PGPEP1L: variants seen among roughly 807,000 people sequenced by gnomAD.
The protein encoded by PGPEP1L is pyroglutamyl-peptidase 1-like protein.
In PGPEP1L, 7 loss-of-function variants were observed where a neutral mutation model predicts 6.0. The ratio of observed to expected loss-of-function variants is 1.17; its 90% confidence interval spans 0.66 to 2.19. PGPEP1L has a LOEUF of 2.19. PGPEP1L is among the 30% of genes most tolerant of loss of function. The pLI is 0.00. For missense variants in PGPEP1L, 209 were observed against 192.5 expected (o/e 1.09, Z -0.51); for synonymous variants, 103 against 83.9 (o/e 1.23, Z -1.24).
Position 98,968,890 on chromosome 15 carries a change from T to C in PGPEP1L, c.210-193A>G, listed in dbSNP as rs562585092. Among the ~76,000 whole-genome samples, 12 of 152,346 alleles carry C rather than the reference T, an allele frequency of 7.9e-5. 1 individual carries two copies. The South Asian group carries it at 1.7e-3, about 21-fold the overall frequency. ...TGGGGAGAGCTGGCTCTTGGCCTCA[T>C]GGCCTCATGACCGGCAAGTGGCCAA... is the stretch of plus-strand genomic sequence containing the variant. On this transcript the variant is annotated intron_variant, in intron 4 of 4. Transcript: ENST00000535714.
intron 2 of PGPEP1L, among the ~76,000 whole-genome samples, chr15:99,002,898 G>A (rs1295988671): frequency 6.6e-6 from 1 of 152,186 alleles, no homozygotes. Context: ...AAAGGGCTGT[G>A]ACTAAATGTC....
chr15:98,987,895 C>T lies in PGPEP1L; in HGVS notation c.-141-16737G>A, dbSNP rs782672201. Among the ~76,000 whole-genome samples, 12 of 152,084 alleles carry T rather than the reference C, an allele frequency of 7.9e-5. No homozygotes were observed. The South Asian group carries it at 2.3e-3, about 29-fold the overall frequency. Reference sequence around the variant, plus strand: ...GAGGCACAAGGGGTCAAGGGATTCCCCTCTCCCAGCCAAGGGAAGCTGTGA... The same window carrying T: ...GAGGCACAAGGGGTCAAGGGATTCCTCTCTCCCAGCCAAGGGAAGCTGTGA... On this transcript the variant is annotated intron_variant, in intron 2 of 4. Transcript: ENST00000535714.
At chr15:98,979,545 G>GTATATAGA (rs2017624368) in intron 2 of PGPEP1L, among the ~76,000 whole-genome samples, 1 of 151,088 alleles carries the variant, frequency 6.6e-6, no homozygotes, top group Admixed American at 6.6e-5. Context: ...AGAAACTGCG[G>GTATATAGA]TATATAGATA....
At chr15:98,968,784 C>T in intron 4 of PGPEP1L, 87 bp from the exon 5 acceptor site, 1 of 1,270,874 alleles carries the variant, frequency 7.9e-7, no homozygotes, top group Non-Finnish European at 1.1e-6. Flanking sequence ...GCAACACCCA[C>T]AAAGCCTGAG....
intron 2 of PGPEP1L, among the ~76,000 whole-genome samples, chr15:98,985,069 T>C (rs573655700): frequency 3.9e-5 from 6 of 152,256 alleles, no homozygotes; most frequent in Admixed American, 3.9e-4. Context: ...GAGCAGCCTA[T>C]AGTGCAGTCT....
chr15:99,003,070 A>G (rs2017997134), intron 2 of PGPEP1L, among the ~76,000 whole-genome samples: 1 of 152,154 alleles, frequency 6.6e-6, no homozygotes, highest in African/African-American at 2.4e-5. Flanking sequence ...GGAATGAAAC[A>G]GTTTTGGACA....
intron 2 of PGPEP1L, among the ~76,000 whole-genome samples, chr15:98,973,965 AAAGAG>A (rs1368667985): frequency 6.6e-6 from 1 of 152,240 alleles, no homozygotes; most frequent in Non-Finnish European, 1.5e-5. Context: ...GACTAAGAAA[AAAGAG>A]AAGACCCAAA....
rs1241001268 is a variant in PGPEP1L, at chr15:99,007,413, A to C, written c.-424T>G. 1 of 152,450 alleles carries C rather than the reference A, an allele frequency of 6.6e-6. No homozygotes were observed. Among genetic ancestry groups the C allele is most frequent in the Non-Finnish European group, 1.5e-5 (1 of 68,232 alleles). The allele number at this position is 152,450 out of a possible 1,614,324, so 9.4% of individuals were successfully genotyped here. On this transcript the variant is annotated 5_prime_UTR_variant, in exon 1 of 5. The change abolishes the stop of an existing upstream ORF in the 5' untranslated region. Transcript: ENST00000535714. Reference sequence around the variant, plus strand: ...GCGGATTCTTGGTCTCACTGACTTCAAGAACGAAGCCGCGGACCCTGGCGG... The same window carrying C: ...GCGGATTCTTGGTCTCACTGACTTCCAGAACGAAGCCGCGGACCCTGGCGG...
Position 98,969,630 on chromosome 15 carries a change from C to T in PGPEP1L, c.4G>A (p.Asp2Asn). 6.2e-7 allele frequency: 1 copy of T among 1,612,376 alleles called. No individual in the cohort carries two copies. The highest frequency in any genetic ancestry group is 8.5e-7 in the Non-Finnish European group (1 of 1,179,870). ...AGAATGATCGCCTTGGCGGCGGTGTCCATGCCCACATGCACGACGAGCTGT... is the reference window on the plus strand; with the variant it reads ...AGAATGATCGCCTTGGCGGCGGTGTTCATGCCCACATGCACGACGAGCTGT... M[D>N]TAAKAIILEQ... The change falls in exon 4 of 5, where the codon GAC becomes AAC. Residue 2 changes from aspartate to asparagine, a missense_variant. Physicochemically the swap from Asp to Asn is conservative, Grantham distance 23. Coordinates refer to ENST00000535714, the MANE Select transcript of PGPEP1L (RefSeq NM_001167902.2).
chr15:99,000,328 G>C (rs1317877763), intron 2 of PGPEP1L, among the ~76,000 whole-genome samples: 3 of 152,188 alleles, frequency 2.0e-5, no homozygotes, highest in South Asian at 2.1e-4. Context: ...TCCCAGACAA[G>C]CTGGCCCCCT....
chr15:98,974,099 G>T (rs935430255), intron 2 of PGPEP1L, among the ~76,000 whole-genome samples: 13 of 152,192 alleles, frequency 8.5e-5, no homozygotes, highest in Non-Finnish European at 1.8e-4. Context: ...AGAAGAAATA[G>T]GCTGGGCACA....
At chr15:98,992,405 C>A (rs2017832099) in intron 2 of PGPEP1L, among the ~76,000 whole-genome samples, 1 of 152,116 alleles carries the variant, frequency 6.6e-6, no homozygotes, top group Admixed American at 6.5e-5. Flanking sequence ...ATGTGAAGGA[C>A]CTCTTCAAGG....
chr15:98,986,578 T>C (rs541464201), intron 2 of PGPEP1L, among the ~76,000 whole-genome samples: 2 of 152,322 alleles, frequency 1.3e-5, no homozygotes, highest in African/African-American at 4.8e-5. Flanking sequence ...TTGAGTTCTG[T>C]AAGTAGTTCT....
At chr15:99,000,694 T>C (rs934579684) in intron 2 of PGPEP1L, among the ~76,000 whole-genome samples, 1 of 152,066 alleles carries the variant, frequency 6.6e-6, no homozygotes, top group Non-Finnish European at 1.5e-5. Flanking sequence ...TGGGGAACTT[T>C]TGTGTCTAAC....
chr15:99,006,665 A>T (rs184334765), intron 1 of PGPEP1L, among the ~76,000 whole-genome samples: 4 of 152,184 alleles, frequency 2.6e-5, no homozygotes, highest in African/African-American at 7.2e-5. Context: ...TGCATCAATT[A>T]TTTTTTTCAA....
In PGPEP1L at chr15:98,969,578, T is replaced by A; in HGVS notation, c.56A>T (p.Tyr19Phe). ...GAAGCTGCGGATGTCGGCGTCCCGG[T>A]AGCCTTGGTTCTTGCCAGACTGTTC... Reference protein sequence around the residue: ...ILEQSGKNQGYRDADIRSFWP... With the variant: ...ILEQSGKNQGFRDADIRSFWP... Residue 19 changes from tyrosine to phenylalanine, a missense_variant, in exon 4 of 5, where the codon TAC (tyrosine) becomes TTC (phenylalanine). Physicochemically the swap from Tyr to Phe is conservative, Grantham distance 22 (BLOSUM62 3). Coordinates refer to ENST00000535714, the MANE Select transcript of PGPEP1L (RefSeq NM_001167902.2). 4.3e-6 allele frequency: 7 copies of A among 1,613,866 alleles called. No homozygotes were observed. The highest frequency in any genetic ancestry group is 5.9e-6 in the Non-Finnish European group (7 of 1,179,900).
intron 2 of PGPEP1L, among the ~76,000 whole-genome samples, chr15:98,994,626 T>C (rs1288672443): frequency 1.3e-5 from 2 of 152,190 alleles, no homozygotes; most frequent in Non-Finnish European, 2.9e-5. Context: ...ACTACGACCT[T>C]ATACAAATAA....
chr15:98,992,603 T>C (rs1431389637), intron 2 of PGPEP1L, among the ~76,000 whole-genome samples: 3 of 152,126 alleles, frequency 2.0e-5, no homozygotes, highest in Non-Finnish European at 4.4e-5. Context: ...CTACTTTAAA[T>C]TTCATATGCA....
intron 2 of PGPEP1L, among the ~76,000 whole-genome samples, chr15:98,979,230 T>C (rs1280370109): frequency 6.6e-6 from 1 of 151,994 alleles, no homozygotes. Context: ...CGAGCATTAC[T>C]GTACGAACCA....
Sources: allele counts gnomAD v4.1 joint callset (sites outside exome capture counted in the v4.1 genomes callset), GRCh38; gene constraint gnomAD v4.1.1; transcripts MANE v1.5; gene names NCBI Gene and HGNC (gene_info 2026-07-23, HGNC 2026-07-21).